The following GATAD2B variants were observed in gnomAD, a reference collection of about 807,000 sequenced individuals.
GATAD2B encodes GATA zinc finger domain containing 2B.
In GATAD2B, 8 loss-of-function variants were observed where a neutral mutation model predicts 64.3. The observed-to-expected ratio is 0.12, with a 90% CI of 0.07 to 0.22. GATAD2B has a LOEUF of 0.22. Ranked by LOEUF, GATAD2B falls within the 10% of genes least tolerant of loss-of-function variation. The pLI is 1.00. For synonymous variants in GATAD2B, 281 were observed against 271.3 expected, an observed-to-expected ratio of 1.04 and a Z score of -0.35; for missense variants, 453 against 752.0, an observed-to-expected ratio of 0.60 and a Z score of 4.65.
intron 1 of GATAD2B, among the ~76,000 whole-genome samples, chr1:153,837,736 C>G (rs918952747): frequency 6.6e-6 from 1 of 152,060 alleles, no homozygotes; most frequent in Admixed American, 6.6e-5. Context: ...AAAAAAAATT[C>G]TACAGTTAAA....
chr1:153,894,208 T>C (rs1473474311), intron 1 of GATAD2B, among the ~76,000 whole-genome samples: 2 of 151,772 alleles, frequency 1.3e-5, no homozygotes, highest in African/African-American at 4.8e-5. Context: ...TGGCTTACGC[T>C]TGTAATCCCA....
chr1:153,864,429 CA>C (rs1676411100), intron 1 of GATAD2B, among the ~76,000 whole-genome samples: 2 of 152,092 alleles, frequency 1.3e-5, no homozygotes, highest in African/African-American at 4.8e-5. Flanking sequence ...CCAACCTGGG[CA>C]ATATAGGGAG....
chr1:153,854,394 C>T (rs1402017117), intron 1 of GATAD2B, among the ~76,000 whole-genome samples: 3 of 152,098 alleles, frequency 2.0e-5, no homozygotes, highest in Non-Finnish European at 2.9e-5. Context: ...CAGAGCAAGA[C>T]TCCGTCTCAA....
chr1:153,872,593 C>T (rs1223000205), intron 1 of GATAD2B, among the ~76,000 whole-genome samples: 1 of 151,214 alleles, frequency 6.6e-6, no homozygotes, highest in Non-Finnish European at 1.5e-5. Context: ...GGAAGTGGAC[C>T]GTCTCATGGT....
chr1:153,823,454 T>C (rs1465462215), intron 2 of GATAD2B, among the ~76,000 whole-genome samples: 1 of 152,340 alleles, frequency 6.6e-6, no homozygotes. Context: ...AAATAAGATA[T>C]TTAGGCTATT....
At chr1:153,904,725 A>G (rs2101963331) in intron 1 of GATAD2B, among the ~76,000 whole-genome samples, 1 of 151,080 alleles carries the variant, frequency 6.6e-6, no homozygotes, top group African/African-American at 2.4e-5. Context: ...TTTTTTTCTC[A>G]GACAGAGTCT....
chr1:153,847,629 A>C (rs1010602608), intron 1 of GATAD2B, among the ~76,000 whole-genome samples: 1 of 148,692 alleles, frequency 6.7e-6, no homozygotes, highest in Non-Finnish European at 1.5e-5. Context: ...AGGATTCACT[A>C]TTTTTTTTTT....
chr1:153,844,386 G>A (rs1675609640), intron 1 of GATAD2B, among the ~76,000 whole-genome samples: 1 of 142,104 alleles, frequency 7.0e-6, no homozygotes, highest in Non-Finnish European at 1.5e-5. Flanking sequence ...CCTAAACTAA[G>A]TACTGCTTAG....
intron 1 of GATAD2B, among the ~76,000 whole-genome samples, chr1:153,897,458 G>A (rs1677631503): frequency 6.6e-6 from 1 of 152,202 alleles, no homozygotes. Context: ...ATTGGGATAT[G>A]TGAACAAAAG....
At chr1:153,853,269 T>A in intron 1 of GATAD2B, 1 of 955,126 alleles carries the variant, frequency 1.0e-6, no homozygotes, top group Non-Finnish European at 1.7e-6. Context: ...TTCCCTGCCA[T>A]CTCACACACA....
chr1:153,901,247 A>C (rs1253719072), intron 1 of GATAD2B, among the ~76,000 whole-genome samples: 1 of 151,904 alleles, frequency 6.6e-6, no homozygotes, highest in Admixed American at 6.6e-5. Context: ...TTTGTATGTT[A>C]AGGCTGAGGC....
At chr1:153,867,208 G>T (rs1261693079) in intron 1 of GATAD2B, among the ~76,000 whole-genome samples, 1 of 152,120 alleles carries the variant, frequency 6.6e-6, no homozygotes, top group Admixed American at 6.6e-5. Context: ...TCTAAGAGGA[G>T]ACTTAGATAA....
chr1:153,860,724 A>G (rs1676252437), intron 1 of GATAD2B, among the ~76,000 whole-genome samples: 1 of 152,186 alleles, frequency 6.6e-6, no homozygotes, highest in Non-Finnish European at 1.5e-5. Flanking sequence ...GCCGTGGCAC[A>G]ATCATAGTTC....
Position 153,919,729 on chromosome 1 carries a change from A to AT in GATAD2B, c.-2+3003dup, listed in dbSNP as rs143068806. ...TATGTGGTATTGTCTGATAGACTGG[A>AT]TTTTTTCCCCAAGCAAGAGGTGGAC... On this transcript the variant is annotated intron_variant, in intron 1 of 10. Coordinates refer to ENST00000368655, the MANE Select transcript of GATAD2B (RefSeq NM_020699.4). Among the ~76,000 whole-genome samples the AT allele has an allele frequency of 5.9e-5, 9 of 152,270 alleles. No homozygotes were observed. In the East Asian group the frequency reaches 1.5e-3, roughly 26 times the overall value.
At chr1:153,918,684 G>A (rs559041657) in intron 1 of GATAD2B, among the ~76,000 whole-genome samples, 92 of 152,290 alleles carry the variant, frequency 6.0e-4, no homozygotes, top group African/African-American at 2.2e-3. Flanking sequence ...GGGCACAATG[G>A]CTCCATGCCT....
Position 153,809,962 on chromosome 1 carries a change from A to G in GATAD2B, c.*215T>C, listed in dbSNP as rs1674237558. The G allele has an allele frequency of 4.1e-6, 2 of 490,472 alleles. No homozygotes were observed. Among genetic ancestry groups the G allele is most frequent in the Non-Finnish European group, 7.2e-6 (2 of 279,206 alleles). The allele number at this position is 490,472 out of a possible 1,614,324, so 30.4% of individuals were successfully genotyped here. ...AACTGAAGAGAGAAGACAGAGCGGCAGAAGAACAGATCGCAGCAGTGTGAA... is the reference window on the plus strand; with the variant it reads ...AACTGAAGAGAGAAGACAGAGCGGCGGAAGAACAGATCGCAGCAGTGTGAA... On this transcript the variant is annotated 3_prime_UTR_variant, in exon 11 of 11. Coordinates refer to ENST00000368655, the MANE Select transcript of GATAD2B (RefSeq NM_020699.4).
intron 1 of GATAD2B, among the ~76,000 whole-genome samples, chr1:153,831,632 G>A (rs1675079424): frequency 6.6e-6 from 1 of 152,058 alleles, no homozygotes; most frequent in South Asian, 2.1e-4. Flanking sequence ...ATCAACTTTA[G>A]AACATTTTTA....
chr1:153,913,700 C>T (rs898003614), intron 1 of GATAD2B, among the ~76,000 whole-genome samples: 2 of 152,034 alleles, frequency 1.3e-5, no homozygotes, highest in African/African-American at 4.8e-5. Flanking sequence ...AGGCAGATCA[C>T]GAGGTCAGGA....
intron 1 of GATAD2B, among the ~76,000 whole-genome samples, chr1:153,881,972 G>A (rs530824496): frequency 1.3e-5 from 2 of 152,126 alleles, no homozygotes; most frequent in African/African-American, 4.8e-5. Flanking sequence ...CCAATCACAT[G>A]GTGTACTGTT....
Sources: allele counts gnomAD v4.1 joint callset (sites outside exome capture counted in the v4.1 genomes callset), GRCh38; gene constraint gnomAD v4.1.1; transcripts MANE v1.5; gene names NCBI Gene and HGNC (gene_info 2026-07-23, HGNC 2026-07-21).